Variants in SGCD observed in about 807,000 individuals in gnomAD.
SGCD encodes the protein sarcoglycan delta.
A neutral mutation model predicts 36.6 loss-of-function variants in SGCD; 18 were observed. The observed-to-expected ratio is 0.49, with a 90% CI of 0.34 to 0.73. The LOEUF (loss-of-function observed/expected upper bound fraction) is 0.73, where lower values mean the gene tolerates loss of function less well. SGCD is among the 30% of genes least tolerant of loss of function. The probability of loss-of-function intolerance (pLI) is 0.01; values close to 1 mark genes in which losing one functional copy is unlikely to be tolerated. For synonymous variants in SGCD, 133 were observed against 130.6 expected (o/e 1.02, Z -0.12); for missense variants, 387 against 346.7 (o/e 1.12, Z -0.92).
At chr5:155,949,555 G>T (rs903256718) in intron 1 of SGCD, among the ~76,000 whole-genome samples, 4 of 152,070 alleles carry the variant, frequency 2.6e-5, no homozygotes, top group African/African-American at 9.7e-5. Context: ...TAGAAATTTT[G>T]TGTTCACTCT....
intron 3 of SGCD, among the ~76,000 whole-genome samples, chr5:156,363,347 C>T (rs904764169): frequency 4.6e-5 from 7 of 151,998 alleles, no homozygotes; most frequent in African/African-American, 1.7e-4. Flanking sequence ...CAGTGATTAC[C>T]CCTGCAACCC....
chr5:156,259,670 C>G (rs1765803966), intron 3 of SGCD, among the ~76,000 whole-genome samples: 1 of 152,032 alleles, frequency 6.6e-6, no homozygotes, highest in Admixed American at 6.6e-5. Flanking sequence ...GAATATGTCC[C>G]CCACATTTCT....
chr5:156,173,188 A>C (rs891224084), intron 3 of SGCD, among the ~76,000 whole-genome samples: 1 of 152,178 alleles, frequency 6.6e-6, no homozygotes, highest in African/African-American at 2.4e-5. Flanking sequence ...TAATGTGAAT[A>C]GATTTTTTTA....
chr5:155,991,693 G>T (rs1431025816), intron 1 of SGCD, among the ~76,000 whole-genome samples: 1 of 152,130 alleles, frequency 6.6e-6, no homozygotes, highest in Non-Finnish European at 1.5e-5. Context: ...ATTTATAACT[G>T]TCATCTACCT....
At chr5:156,627,836 A>G (rs893862695) in intron 6 of SGCD, among the ~76,000 whole-genome samples, 3 of 152,214 alleles carry the variant, frequency 2.0e-5, no homozygotes, top group Non-Finnish European at 2.9e-5. Flanking sequence ...AATTAAGCCT[A>G]TATCACTGCT....
At chr5:156,671,176 T>TAA (rs543904931) in intron 7 of SGCD, among the ~76,000 whole-genome samples, 1 of 144,792 alleles carries the variant, frequency 6.9e-6, no homozygotes, top group Non-Finnish European at 1.5e-5. Flanking sequence ...TTTTCCACAT[T>TAA]AAAAAAAAAA....
intron 6 of SGCD, among the ~76,000 whole-genome samples, chr5:156,598,525 T>C (rs1761031325): frequency 6.6e-6 from 1 of 152,214 alleles, no homozygotes; most frequent in East Asian, 1.9e-4. Flanking sequence ...CTGGGCAATA[T>C]AGTGAGACTC....
chr5:156,681,672 G>A (rs1753728355), intron 7 of SGCD, among the ~76,000 whole-genome samples: 1 of 152,154 alleles, frequency 6.6e-6, no homozygotes, highest in Non-Finnish European at 1.5e-5. Context: ...AGGAACATTA[G>A]GTCTGGATGA....
At chr5:155,829,865 C>A in the SGCD span, among the ~76,000 whole-genome samples, 2 of 152,146 alleles carry the variant, frequency 1.3e-5, no homozygotes, top group African/African-American at 4.8e-5. Context: ...TATTACCAAC[C>A]AAGCATCATA....
At chr5:155,830,913 C>A in the SGCD span, among the ~76,000 whole-genome samples, 2 of 152,128 alleles carry the variant, frequency 1.3e-5, no homozygotes, top group African/African-American at 4.8e-5. Flanking sequence ...CTTTTTCCAG[C>A]AAACAATTAT....
the SGCD span, among the ~76,000 whole-genome samples, chr5:155,729,089 T>C: frequency 6.6e-6 from 1 of 152,236 alleles, no homozygotes; most frequent in Non-Finnish European, 1.5e-5. Flanking sequence ...GCGCTTAATC[T>C]GGCATTGGCA....
intron 1 of SGCD, among the ~76,000 whole-genome samples, chr5:155,990,440 G>A (rs1758409327): frequency 6.6e-6 from 1 of 152,104 alleles, no homozygotes; most frequent in Non-Finnish European, 1.5e-5. Flanking sequence ...GGTAAGGAAA[G>A]CACATGCATG....
intron 4 of SGCD, among the ~76,000 whole-genome samples, chr5:156,580,116 C>T (rs1280277260): frequency 6.6e-6 from 1 of 152,164 alleles, no homozygotes; most frequent in Non-Finnish European, 1.5e-5. Context: ...CTGGTGGTGA[C>T]AAAATCTCTC....
intron 3 of SGCD, among the ~76,000 whole-genome samples, chr5:156,278,724 T>C (rs116149060): frequency 0.023 from 3,575 of 152,312 alleles, 48 homozygotes; most frequent in African/African-American, 0.037. Flanking sequence ...GCAGTGTAAC[T>C]GCAGGATGCG....
chr5:155,927,647 G>A (rs957741588), intron 1 of SGCD, among the ~76,000 whole-genome samples: 1 of 152,204 alleles, frequency 6.6e-6, no homozygotes, highest in African/African-American at 2.4e-5. Flanking sequence ...TAGCAGTTAT[G>A]CATTTTGCCT....
chr5:156,481,840 C>G (rs1755444242), intron 3 of SGCD, among the ~76,000 whole-genome samples: 2 of 152,198 alleles, frequency 1.3e-5, no homozygotes, highest in Admixed American at 6.5e-5. Context: ...TTTGCTTTCT[C>G]TACTCCCTGT....
rs186814491 is a variant in SGCD at position 156,580,039 on chromosome 5, C to T, written c.295-9192C>T. On this transcript the variant is annotated intron_variant, in intron 4 of 8. Coordinates refer to ENST00000337851, the MANE Select transcript of SGCD (RefSeq NM_000337.6). ...GTCTTTACAATTTGGCATGTTTTTGCAGTGGCTGGTACAGGTTGTTCCTTT... is the reference window on the plus strand; with the variant it reads ...GTCTTTACAATTTGGCATGTTTTTGTAGTGGCTGGTACAGGTTGTTCCTTT... 2.6e-3 allele frequency among the ~76,000 whole-genome samples: 391 copies of T among 152,274 alleles called. 2 individuals carry two copies. Among genetic ancestry groups the T allele is most frequent in the African/African-American group, 8.9e-3 (368 of 41,542 alleles).
chr5:156,337,762 C>A (rs138659421), intron 2 of SGCD, among the ~76,000 whole-genome samples: 39 of 152,272 alleles, frequency 2.6e-4, no homozygotes, highest in Non-Finnish European at 4.0e-4. Flanking sequence ...AGAATATGAT[C>A]ATTTTCATCC....
At chr5:156,318,277 A>G (rs918181755) in intron 3 of SGCD, among the ~76,000 whole-genome samples, 1 of 152,236 alleles carries the variant, frequency 6.6e-6, no homozygotes, top group African/African-American at 2.4e-5. Flanking sequence ...GAAAAGGATA[A>G]TTAATGCATT....
Sources: allele counts gnomAD v4.1 joint callset (sites outside exome capture counted in the v4.1 genomes callset), GRCh38; gene constraint gnomAD v4.1.1; transcripts MANE v1.5; gene names NCBI Gene and HGNC (gene_info 2026-07-23, HGNC 2026-07-21).